Variants in STXBP6 observed in about 807,000 individuals in gnomAD.
STXBP6 encodes syntaxin binding protein 6.
In STXBP6, 21 loss-of-function variants were observed where a neutral mutation model predicts 26.9. The observed-to-expected ratio is 0.78, with a 90% CI of 0.55 to 1.12. The LOEUF is 1.12. Among genes scored for constraint, STXBP6 ranks in the 50% most tolerant of loss-of-function variants. The pLI is 0.00. For missense variants in STXBP6, 232 were observed against 257.9 expected, an observed-to-expected ratio of 0.90 and a Z score of 0.69; for synonymous variants, 97 against 92.6, an observed-to-expected ratio of 1.05 and a Z score of -0.27.
chr14:24,838,173 G>A (rs2068677460), intron 4 of STXBP6, among the ~76,000 whole-genome samples: 1 of 152,146 alleles, frequency 6.6e-6, no homozygotes, highest in Non-Finnish European at 1.5e-5. Flanking sequence ...ACTACTCCTG[G>A]CTAATTTTTG....
At chr14:24,939,430 C>T (rs1003593646) in intron 2 of STXBP6, among the ~76,000 whole-genome samples, 2 of 150,612 alleles carry the variant, frequency 1.3e-5, no homozygotes, top group South Asian at 4.2e-4. Flanking sequence ...GATGTGGTTA[C>T]ATAACATTTT....
intron 2 of STXBP6, among the ~76,000 whole-genome samples, chr14:24,969,236 T>C (rs1360992852): frequency 6.6e-6 from 1 of 152,186 alleles, no homozygotes; most frequent in Non-Finnish European, 1.5e-5. Flanking sequence ...TGTAAAAGAA[T>C]GTACTAATCA....
intron 1 of STXBP6, among the ~76,000 whole-genome samples, chr14:25,021,104 C>G (rs569719041): frequency 1.3e-5 from 2 of 152,178 alleles, no homozygotes; most frequent in African/African-American, 4.8e-5. Flanking sequence ...ACCACCACCA[C>G]CCCCATTCCC....
intron 1 of STXBP6, among the ~76,000 whole-genome samples, chr14:24,985,600 AG>A (rs1289635847): frequency 6.6e-6 from 1 of 152,176 alleles, no homozygotes; most frequent in Admixed American, 6.5e-5. Flanking sequence ...CAGTGCTTCA[AG>A]GAACCTTAGC....
chr14:24,977,132 G>A (rs1322473880), intron 1 of STXBP6, among the ~76,000 whole-genome samples: 1 of 148,716 alleles, frequency 6.7e-6, no homozygotes, highest in Non-Finnish European at 1.5e-5. Context: ...CCTACGTGCT[G>A]GGATTACAGG....
chr14:25,007,771 T>C (rs1048022764), intron 1 of STXBP6, among the ~76,000 whole-genome samples: 1 of 152,204 alleles, frequency 6.6e-6, no homozygotes, highest in Non-Finnish European at 1.5e-5. Context: ...AAGAAATTAT[T>C]CCTGCAAAGT....
chr14:24,875,764 C>CA (rs1275121712), intron 2 of STXBP6, among the ~76,000 whole-genome samples: 2 of 151,966 alleles, frequency 1.3e-5, no homozygotes, highest in African/African-American at 4.8e-5. Flanking sequence ...TAACATTCAT[C>CA]AAAAAATATT....
chr14:24,910,255 C>A (rs1226895452), intron 2 of STXBP6, among the ~76,000 whole-genome samples: 2 of 140,778 alleles, frequency 1.4e-5, no homozygotes, highest in African/African-American at 5.3e-5. Context: ...AGCAACCCTG[C>A]CCCCAATCTA....
In STXBP6 at chr14:24,856,105, G is replaced by A; in HGVS notation, c.286-4C>T. 1 of 1,587,354 alleles carries A rather than the reference G, an allele frequency of 6.3e-7. No individual in the cohort carries two copies. On this transcript the variant is annotated splice_polypyrimidine_tract_variant and splice_region_variant and intron_variant, in intron 3 of 5. Transcript: ENST00000323944. The stretch of plus-strand genomic sequence containing the variant: ...ACAAATCAAACTCTGCCGAATCCTG[G>A]AAAAGACAATGAAATAACTACTAAT...
chr14:24,881,243 T>C (rs1398197070), intron 2 of STXBP6, among the ~76,000 whole-genome samples: 3 of 152,136 alleles, frequency 2.0e-5, no homozygotes, highest in Non-Finnish European at 4.4e-5. Flanking sequence ...CTCTATACTT[T>C]CTTGGAACTC....
At chr14:24,969,671 A>C (rs2073842899) in intron 2 of STXBP6, among the ~76,000 whole-genome samples, 1 of 152,222 alleles carries the variant, frequency 6.6e-6, no homozygotes, top group Non-Finnish European at 1.5e-5. Flanking sequence ...GCTATAAGGA[A>C]TTTATCATAT....
chr14:24,962,039 C>T (rs1169686011), intron 2 of STXBP6, among the ~76,000 whole-genome samples: 1 of 152,122 alleles, frequency 6.6e-6, no homozygotes, highest in Non-Finnish European at 1.5e-5. Flanking sequence ...CATGAGGTAC[C>T]TCTTTTGCAG....
intron 1 of STXBP6, among the ~76,000 whole-genome samples, chr14:25,043,810 T>A (rs1161612461): frequency 6.6e-6 from 1 of 152,254 alleles, no homozygotes; most frequent in East Asian, 1.9e-4. Context: ...TTTCCTTGCA[T>A]GGATGTACCA....
At chr14:24,870,374 C>G (rs1660579119) in intron 2 of STXBP6, among the ~76,000 whole-genome samples, 1 of 152,134 alleles carries the variant, frequency 6.6e-6, no homozygotes, top group Admixed American at 6.5e-5. Flanking sequence ...TCTGTTCAGC[C>G]TATTACACCA....
At chr14:24,872,356 T>C (rs1271829501) in intron 2 of STXBP6, among the ~76,000 whole-genome samples, 1 of 152,140 alleles carries the variant, frequency 6.6e-6, no homozygotes, top group African/African-American at 2.4e-5. Flanking sequence ...GTTCTCCAAG[T>C]GTCTTTTTAT....
At chr14:24,990,012 C>T (rs1156462378) in intron 1 of STXBP6, among the ~76,000 whole-genome samples, 2 of 152,120 alleles carry the variant, frequency 1.3e-5, no homozygotes, top group African/African-American at 4.8e-5. Flanking sequence ...CAGATGGAGA[C>T]AATGGTTTTT....
chr14:24,872,473 A>T (rs1290195167), intron 2 of STXBP6, among the ~76,000 whole-genome samples: 2 of 152,306 alleles, frequency 1.3e-5, no homozygotes, highest in Non-Finnish European at 2.9e-5. Flanking sequence ...CCTGTATAGC[A>T]GAGACACATA....
intron 2 of STXBP6, among the ~76,000 whole-genome samples, chr14:24,894,419 C>T (rs1349309235): frequency 6.6e-6 from 1 of 152,020 alleles, no homozygotes; most frequent in Non-Finnish European, 1.5e-5. Context: ...GCTGTATTGG[C>T]CTGGATTTAG....
At chr14:25,041,692 A>C (rs1394170620) in intron 1 of STXBP6, among the ~76,000 whole-genome samples, 1 of 152,208 alleles carries the variant, frequency 6.6e-6, no homozygotes, top group Non-Finnish European at 1.5e-5. Context: ...CAGAGGAATC[A>C]GATAATTCTC....
Sources: allele counts gnomAD v4.1 joint callset (sites outside exome capture counted in the v4.1 genomes callset), GRCh38; gene constraint gnomAD v4.1.1; transcripts MANE v1.5; gene names NCBI Gene and HGNC (gene_info 2026-07-23, HGNC 2026-07-21).